Variants in FAT3 observed in about 807,000 individuals in gnomAD.
The protein encoded by FAT3 is protocadherin Fat 3.
Under a neutral mutation model 310.2 loss-of-function variants are expected in FAT3, and 95 were observed. That is an observed-to-expected ratio of 0.31 (90% CI 0.26 to 0.36). FAT3 has a LOEUF of 0.36. Among genes scored for constraint, FAT3 ranks in the 10% least tolerant of loss-of-function variants. FAT3 has a pLI of 1.00. For missense variants in FAT3, 5,408 were observed against 5,715.6 expected, an observed-to-expected ratio of 0.95 and a Z score of 1.74; for synonymous variants, 2,314 against 2,192.9, an observed-to-expected ratio of 1.06 and a Z score of -1.54.
At chr11:92,734,254 A>G (rs1798359537) in intron 4 of FAT3, among the ~76,000 whole-genome samples, 1 of 152,194 alleles carries the variant, frequency 6.6e-6, no homozygotes, top group African/African-American at 2.4e-5. Context: ...GGTTCAGTTT[A>G]TGTCACCTGT....
intron 7 of FAT3, among the ~76,000 whole-genome samples, chr11:92,782,385 C>T (rs945921782): frequency 6.6e-6 from 1 of 151,742 alleles, no homozygotes. Context: ...TGCTTGAGCC[C>T]AGGTGTTCCA....
chr11:92,482,953 C>G (rs1952273931), intron 2 of FAT3, among the ~76,000 whole-genome samples: 1 of 152,164 alleles, frequency 6.6e-6, no homozygotes, highest in African/African-American at 2.4e-5. Context: ...GAGCAGTTAT[C>G]ATCGTAAATC....
intron 2 of FAT3, among the ~76,000 whole-genome samples, chr11:92,407,251 A>T (rs1019996906): frequency 6.6e-6 from 1 of 152,138 alleles, no homozygotes; most frequent in African/African-American, 2.4e-5. Context: ...TATTTTCGAG[A>T]GAATGAGTTT....
At chr11:92,828,433 T>A (rs953635778) in intron 13 of FAT3, among the ~76,000 whole-genome samples, 3 of 152,154 alleles carry the variant, frequency 2.0e-5, no homozygotes, top group Non-Finnish European at 1.5e-5. Flanking sequence ...AAATCCTAAG[T>A]GATGCCATTT....
In FAT3 at chr11:92,800,530, G is replaced by A. The variant is rs746034860; in HGVS notation, c.7517G>A (p.Arg2506Lys). The A allele has an allele frequency of 3.1e-6, 5 of 1,613,934 alleles. No homozygotes were observed. The South Asian group carries it at 3.3e-5, about 11-fold the overall frequency. ...CAAAGCACATACGTAGCTGAGGTGA[G>A]AGAGAACGTGGCTGCAGGAACAAAG... ...FSQSTYVAEV[R>K]ENVAAGTKVI... The change falls in exon 10 of 28, where the codon AGA becomes AAA. Residue 2506 changes from arginine (R) to lysine (K), a missense_variant. Around this residue, in one of 5 missense-constraint regions of FAT3, gnomAD observed 4,588 missense variants for 4,809.8 expected, o/e 0.95. Transcript: ENST00000525166.
chr11:92,354,865 C>T lies in FAT3; in HGVS notation c.2753C>T (p.Ser918Leu). Residue 918 changes from serine to leucine, a missense_variant, in exon 2 of 28, where the codon TCA (serine) becomes TTA (leucine). Physicochemically the swap from Ser to Leu is moderately radical, Grantham distance 145. Around this residue, in one of 5 missense-constraint regions of FAT3, gnomAD observed 4,588 missense variants for 4,809.8 expected, o/e 0.95. Coordinates refer to ENST00000525166, the MANE Select transcript of FAT3 (RefSeq NM_001367949.2). ...GCAGAGAGTGGTCAGCAGCTGTTTTCAGTTGTCACTCTTAAAGTTTTTTTA... is the reference window on the plus strand; with the variant it reads ...GCAGAGAGTGGTCAGCAGCTGTTTTTAGTTGTCACTCTTAAAGTTTTTTTA... Reference protein sequence around the residue: ...DKAESGQQLFSVVTLKVFLDD... With the variant: ...DKAESGQQLFLVVTLKVFLDD... 1.2e-6 allele frequency: 2 copies of T among 1,613,896 alleles called. No individual in the cohort carries two copies. Among genetic ancestry groups the T allele is most frequent in the Non-Finnish European group, 1.7e-6 (2 of 1,179,864 alleles).
intron 1 of FAT3, among the ~76,000 whole-genome samples, chr11:92,240,063 G>T (rs1384514317): frequency 6.6e-6 from 1 of 152,102 alleles, no homozygotes; most frequent in East Asian, 1.9e-4. Flanking sequence ...TGAGTAATAG[G>T]CAGCTAAAAG....
At chr11:92,227,280 G>A (rs2134216249) in intron 1 of FAT3, among the ~76,000 whole-genome samples, 1 of 152,338 alleles carries the variant, frequency 6.6e-6, no homozygotes, top group African/African-American at 2.4e-5. Flanking sequence ...GGGGTAGTGG[G>A]AGGAAGGGGC....
intron 2 of FAT3, among the ~76,000 whole-genome samples, chr11:92,375,955 CA>C (rs1442421766): frequency 2.6e-5 from 4 of 152,188 alleles, no homozygotes; most frequent in African/African-American, 9.7e-5. Context: ...TTAACATATG[CA>C]AACACTTCTT....
chr11:92,848,810 G>C (rs185560847), intron 19 of FAT3, among the ~76,000 whole-genome samples: 96 of 152,328 alleles, frequency 6.3e-4, no homozygotes, highest in Non-Finnish European at 7.4e-5. Context: ...ACTGTCATAG[G>C]GTTTGCTCAG....
chr11:92,554,806 C>T (rs1289621233), intron 3 of FAT3, among the ~76,000 whole-genome samples: 2 of 152,138 alleles, frequency 1.3e-5, no homozygotes, highest in African/African-American at 4.8e-5. Flanking sequence ...TGTTGCCAGT[C>T]TCTTTGATGG....
intron 1 of FAT3, among the ~76,000 whole-genome samples, chr11:92,255,365 C>T (rs1410733081): frequency 6.7e-6 from 1 of 149,474 alleles, no homozygotes; most frequent in Non-Finnish European, 1.5e-5. Context: ...AGGAAAAACT[C>T]TCAGTAGCTT....
At chr11:92,747,146 G>A (rs974173990) in intron 4 of FAT3, among the ~76,000 whole-genome samples, 3 of 152,304 alleles carry the variant, frequency 2.0e-5, no homozygotes, top group South Asian at 4.1e-4. Context: ...CCCTAGCAGA[G>A]GTTCTCCATG....
chr11:92,793,139 G>A (rs1027053192), intron 9 of FAT3, among the ~76,000 whole-genome samples, 162 bp downstream of exon 9: 3 of 152,158 alleles, frequency 2.0e-5, no homozygotes, highest in Middle Eastern at 3.2e-3. Flanking sequence ...GGTGGATAAC[G>A]TTCTTGATGT....
chr11:92,604,666 C>A (rs190769995), intron 3 of FAT3, among the ~76,000 whole-genome samples: 1 of 152,200 alleles, frequency 6.6e-6, no homozygotes, highest in African/African-American at 2.4e-5. Flanking sequence ...TATCACTTTG[C>A]CCTGTATATA....
Position 92,798,149 on chromosome 11 carries a change from G to A in FAT3, c.5136G>A (p.Gly1712=), listed in dbSNP as rs1304539455. 3.7e-6 allele frequency: 6 copies of A among 1,613,794 alleles called. No homozygotes were observed. The highest frequency in any genetic ancestry group is 1.7e-5 in the Admixed American group (1 of 60,002). Residue 1712 remains glycine (G), a synonymous_variant, in exon 10 of 28, where the codon GGG becomes GGA. Transcript: ENST00000525166. ...IYEVKDGDIN[G]IFTINPYSGV... ...AAGTCAAAGATGGAGACATTAATGG[G>A]ATCTTTACCATAAATCCATATTCTG...
chr11:92,295,220 C>T (rs901250696), intron 1 of FAT3, among the ~76,000 whole-genome samples: 2 of 152,056 alleles, frequency 1.3e-5, no homozygotes, highest in African/African-American at 4.8e-5. Context: ...AATTCTTTAC[C>T]CTGGAATGCA....
At chr11:92,532,145 G>A (rs912983809) in intron 3 of FAT3, among the ~76,000 whole-genome samples, 1 of 152,036 alleles carries the variant, frequency 6.6e-6, no homozygotes, top group Non-Finnish European at 1.5e-5. Context: ...TGTAATACGT[G>A]TGTATGTATG....
intron 3 of FAT3, among the ~76,000 whole-genome samples, chr11:92,547,022 C>T (rs1056427217): frequency 1.3e-5 from 2 of 152,142 alleles, no homozygotes; most frequent in Non-Finnish European, 2.9e-5. Context: ...CTCTTTAGAT[C>T]AAGGGTCTTA....
Sources: allele counts gnomAD v4.1 joint callset (sites outside exome capture counted in the v4.1 genomes callset), GRCh38; gene constraint gnomAD v4.1.1; regional missense constraint gnomAD v4.1.1; transcripts MANE v1.5; gene names NCBI Gene and HGNC (gene_info 2026-07-23, HGNC 2026-07-21).